Variants in KIAA1217 observed in about 807,000 individuals in gnomAD.
KIAA1217 encodes the protein sickle tail protein homolog.
In KIAA1217, 88 loss-of-function variants were observed where a neutral mutation model predicts 163.9. The ratio of observed to expected loss-of-function variants is 0.54; its 90% CI spans 0.45 to 0.64. The LOEUF (loss-of-function observed/expected upper bound fraction) is 0.64, where lower values mean the gene tolerates loss of function less well. Among genes scored for constraint, KIAA1217 ranks in the 30% least tolerant of loss-of-function variants. KIAA1217 has a pLI of 0.00. For missense variants in KIAA1217, 2,372 were observed against 2,475.0 expected (o/e 0.96, Z 0.88); for synonymous variants, 903 against 923.1 (o/e 0.98, Z 0.39).
At chr10:24,372,177 A>G (rs1293902963) in intron 2 of KIAA1217, among the ~76,000 whole-genome samples, 8 of 152,220 alleles carry the variant, frequency 5.3e-5, no homozygotes, top group Admixed American at 6.5e-5. Flanking sequence ...TGAGACAAGT[A>G]TTGCCAAGGA....
chr10:24,404,404 TA>T (rs1171714432), intron 3 of KIAA1217, among the ~76,000 whole-genome samples: 3 of 151,768 alleles, frequency 2.0e-5, no homozygotes, highest in East Asian at 1.9e-4. Context: ...CTGTCTCTAC[TA>T]AAAATACAAA....
intron 1 of KIAA1217, among the ~76,000 whole-genome samples, chr10:23,824,877 G>A (rs12249895): frequency 0.3 from 44,844 of 151,256 alleles, 7,626 homozygotes; most frequent in African/African-American, 0.45. Flanking sequence ...ATATTTACTA[G>A]TGGCATCCTT....
In KIAA1217 at chr10:24,536,887, G is replaced by A. The variant is rs746938858; in HGVS notation, c.3528G>A (p.Glu1176=). The A allele has an allele frequency of 1.2e-6, 2 of 1,613,872 alleles. No individual in the cohort carries two copies. The highest frequency in any genetic ancestry group is 1.7e-4 in the Middle Eastern group (1 of 6,060). The part of the protein sequence containing the change: ...TRSGATVPPK[E]KKNLEFFHED... ...CGGGCGCCACAGTGCCACCCAAGGAGAAGAAGGTAACGTGGCAACTGCACA... is the reference window on the plus strand; with the variant it reads ...CGGGCGCCACAGTGCCACCCAAGGAAAAGAAGGTAACGTGGCAACTGCACA... Residue 1176 remains glutamate, a synonymous_variant, in exon 17 of 21, where the codon GAG becomes GAA. Coordinates refer to ENST00000376454, the MANE Select transcript of KIAA1217 (RefSeq NM_019590.5).
chr10:24,285,882 T>G (rs996202129), intron 2 of KIAA1217, among the ~76,000 whole-genome samples: 1 of 152,182 alleles, frequency 6.6e-6, no homozygotes, highest in Admixed American at 6.5e-5. Flanking sequence ...CTTTCAGCAG[T>G]GTTTTATAGT....
Position 24,544,046 on chromosome 10 carries a change from A to C in KIAA1217, c.4776A>C (p.Gly1592=). ...LAALTQAIRT[G]TKTGKKTLQV... The stretch of plus-strand genomic sequence containing the variant: ...CTCTCACTCAAGCCATTCGCACCGG[A>C]ACTAAAACAGGGAAGAAGACTTTGC... The change falls in exon 19 of 21, where the codon GGA becomes GGC. Residue 1592 remains glycine, a synonymous_variant. Coordinates refer to ENST00000376454, the MANE Select transcript of KIAA1217 (RefSeq NM_019590.5). 5 of 1,614,150 alleles carry C rather than the reference A, an allele frequency of 3.1e-6. No homozygotes were observed. The highest frequency in any genetic ancestry group is 4.2e-6 in the Non-Finnish European group (5 of 1,180,034).
At chr10:24,353,628 CCT>C (rs888893863) in intron 2 of KIAA1217, among the ~76,000 whole-genome samples, 1 of 152,020 alleles carries the variant, frequency 6.6e-6, no homozygotes, top group Admixed American at 6.6e-5. Context: ...GGCTATTTTC[CCT>C]CTCTCTCTTG....
intron 2 of KIAA1217, among the ~76,000 whole-genome samples, chr10:24,180,258 A>G (rs905232540): frequency 1.3e-4 from 18 of 141,180 alleles, no homozygotes; most frequent in African/African-American, 3.9e-4. Flanking sequence ...CTTTCCAGCT[A>G]TATCCTCAAC....
At chr10:23,925,704 A>C (rs2131300686) in intron 1 of KIAA1217, among the ~76,000 whole-genome samples, 1 of 152,308 alleles carries the variant, frequency 6.6e-6, no homozygotes, top group Middle Eastern at 3.4e-3. Context: ...TGGAGGGAAG[A>C]AGTGGAACAC....
intron 1 of KIAA1217, among the ~76,000 whole-genome samples, chr10:23,849,799 T>A (rs574567546): frequency 1.4e-4 from 22 of 152,256 alleles, no homozygotes; most frequent in Admixed American, 1.2e-3. Context: ...GACTTTCTGT[T>A]CTAACTCAGT....
At chr10:24,178,132 T>C (rs2065996249) in intron 2 of KIAA1217, among the ~76,000 whole-genome samples, 1 of 152,224 alleles carries the variant, frequency 6.6e-6, no homozygotes, top group African/African-American at 2.4e-5. Context: ...TCATTTAGCA[T>C]TGTTTTACCA....
At chr10:23,768,759 G>C (rs1326557358) in intron 1 of KIAA1217, among the ~76,000 whole-genome samples, 2 of 152,142 alleles carry the variant, frequency 1.3e-5, no homozygotes, top group South Asian at 4.1e-4. Context: ...CCAGAGATGG[G>C]TTCAAGGATT....
chr10:24,469,890 G>T (rs2063322483), intron 5 of KIAA1217, among the ~76,000 whole-genome samples: 1 of 152,168 alleles, frequency 6.6e-6, no homozygotes, highest in Non-Finnish European at 1.5e-5. Context: ...GGGATTACAG[G>T]CCTGAGCCAC....
chr10:23,756,105 C>G (rs1810095645), intron 1 of KIAA1217, among the ~76,000 whole-genome samples: 1 of 151,452 alleles, frequency 6.6e-6, no homozygotes, highest in African/African-American at 2.4e-5. Flanking sequence ...CACAGACATG[C>G]ACCACCACAC....
chr10:24,012,567 G>A (rs776030362), intron 2 of KIAA1217, among the ~76,000 whole-genome samples: 1 of 152,176 alleles, frequency 6.6e-6, no homozygotes, highest in African/African-American at 2.4e-5. Flanking sequence ...TTCAAGGCTG[G>A]TGGGTAAAAT....
intron 1 of KIAA1217, among the ~76,000 whole-genome samples, chr10:23,771,842 G>T (rs185925242): frequency 6.6e-6 from 1 of 152,326 alleles, no homozygotes; most frequent in Admixed American, 6.5e-5. Flanking sequence ...GGGGGACAAG[G>T]ATACTGCTGT....
In KIAA1217 at chr10:24,219,819, G is replaced by A; in HGVS notation, c.264G>A (p.Arg88=). Reference sequence around the variant, plus strand: ...GAATGCAAACATCTGAGATGGATCGGAAGAGAGAAGCGTTCCTAGAACATC... The same window carrying A: ...GAATGCAAACATCTGAGATGGATCGAAAGAGAGAAGCGTTCCTAGAACATC... ...ILGMQTSEMD[R]KREAFLEHLK... Residue 88 remains arginine, a synonymous_variant, in exon 2 of 21, where the codon CGG becomes CGA. Coordinates refer to ENST00000376454, the MANE Select transcript of KIAA1217 (RefSeq NM_019590.5). The A allele has an allele frequency of 6.2e-7, 1 of 1,613,966 alleles. No individual in the cohort carries two copies. The highest frequency in any genetic ancestry group is 8.5e-7 in the Non-Finnish European group (1 of 1,179,930).
At chr10:24,000,996 ATTGAGGT>A (rs1846716865) in intron 1 of KIAA1217, among the ~76,000 whole-genome samples, 2 of 152,320 alleles carry the variant, frequency 1.3e-5, no homozygotes, top group Admixed American at 1.3e-4. Context: ...TCTTTAGTAC[ATTGAGGT>A]TTGATTTTGT....
chr10:24,118,097 G>A (rs2063129834), intron 2 of KIAA1217, among the ~76,000 whole-genome samples: 1 of 147,922 alleles, frequency 6.8e-6, no homozygotes, highest in African/African-American at 2.5e-5. Flanking sequence ...ACCCTGACGT[G>A]AATTTACCTC....
At chr10:24,468,077 A>G (rs1185979087) in intron 5 of KIAA1217, among the ~76,000 whole-genome samples, 2 of 152,216 alleles carry the variant, frequency 1.3e-5, no homozygotes, top group Non-Finnish European at 2.9e-5. Flanking sequence ...GAATTATACA[A>G]TCTTAACCAT....
Sources: allele counts gnomAD v4.1 joint callset (sites outside exome capture counted in the v4.1 genomes callset), GRCh38; gene constraint gnomAD v4.1.1; transcripts MANE v1.5; gene names NCBI Gene and HGNC (gene_info 2026-07-23, HGNC 2026-07-21).